PCSK2: variants seen among roughly 807,000 people sequenced by gnomAD.
The protein encoded by PCSK2 is proprotein convertase subtilisin/kexin type 2, also known as neuroendocrine convertase 2.
In PCSK2, 14 loss-of-function variants were observed where a neutral mutation model predicts 69.7. The observed-to-expected ratio is 0.20, with a 90% CI of 0.13 to 0.31. The LOEUF is 0.31. Among genes scored for constraint, PCSK2 ranks in the 10% least tolerant of loss-of-function variants. The probability of loss-of-function intolerance (pLI) is 1.00; values close to 1 mark genes in which losing one functional copy is unlikely to be tolerated. For synonymous variants in PCSK2, 307 were observed against 320.7 expected (o/e 0.96, Z 0.46); for missense variants, 544 against 842.5 (o/e 0.65, Z 4.39).
intron 9 of PCSK2, among the ~76,000 whole-genome samples, chr20:17,454,694 C>T (rs1007937684): frequency 6.6e-6 from 1 of 152,176 alleles, no homozygotes; most frequent in African/African-American, 2.4e-5. Flanking sequence ...TTTCTTACAC[C>T]TCCAAACCAG....
At chr20:17,286,298 T>C (rs1331583233) in intron 2 of PCSK2, among the ~76,000 whole-genome samples, 1 of 152,202 alleles carries the variant, frequency 6.6e-6, no homozygotes, top group Non-Finnish European at 1.5e-5. Flanking sequence ...AACATAATAG[T>C]GTATAACAAA....
chr20:17,339,011 G>A lies in PCSK2; in HGVS notation c.283-19316G>A, dbSNP rs192157955. Among the ~76,000 whole-genome samples, 165 of 152,228 alleles carry A rather than the reference G, an allele frequency of 1.1e-3. 1 individual carries two copies. Among genetic ancestry groups the A allele is most frequent in the East Asian group, 2.7e-3 (14 of 5,186 alleles). ...TTTTGTGGCCTCATCAAGGAATCCC[G>A]TCTAGTTTTCATTAAGAACAGCACA... On this transcript the variant is annotated intron_variant, in intron 2 of 11. Coordinates refer to ENST00000262545, the MANE Select transcript of PCSK2 (RefSeq NM_002594.5).
At position 17,234,480 on chromosome 20, in the gene PCSK2, A is replaced by G. The variant is rs145134424; in HGVS notation, c.177+6998A>G. ...TCCATTTCTCTATAGGCAGCCATTC[A>G]GCTAGGAAATAGAATTAAGTGACAA... On this transcript the variant is annotated intron_variant, in intron 1 of 11. Coordinates refer to ENST00000262545, the MANE Select transcript of PCSK2 (RefSeq NM_002594.5). 3.9e-3 allele frequency among the ~76,000 whole-genome samples: 596 copies of G among 152,308 alleles called. 3 individuals are homozygous for G. Among genetic ancestry groups the G allele is most frequent in the African/African-American group, 0.014 (565 of 41,586 alleles).
intron 2 of PCSK2, among the ~76,000 whole-genome samples, chr20:17,277,682 C>T (rs979632723): frequency 6.7e-6 from 1 of 148,642 alleles, no homozygotes; most frequent in Non-Finnish European, 1.5e-5. Flanking sequence ...GTCTAAAACA[C>T]CAAAAGCAAT....
intron 4 of PCSK2, among the ~76,000 whole-genome samples, chr20:17,367,167 G>A (rs942986493): frequency 6.6e-6 from 1 of 151,850 alleles, no homozygotes; most frequent in African/African-American, 2.4e-5. Context: ...CACCCAATGA[G>A]TTCACAAAAT....
intron 1 of PCSK2, among the ~76,000 whole-genome samples, chr20:17,258,339 T>C (rs552259201): frequency 7.9e-5 from 12 of 152,354 alleles, no homozygotes; most frequent in South Asian, 6.2e-4. Flanking sequence ...CTCTTGTCAA[T>C]TTCCTGTGTT....
intron 5 of PCSK2, among the ~76,000 whole-genome samples, chr20:17,399,855 T>C (rs1035854523): frequency 2.0e-5 from 3 of 152,210 alleles, no homozygotes; most frequent in Non-Finnish European, 1.5e-5. Flanking sequence ...GTCAGTGTTA[T>C]TTGTCTTATA....
At chr20:17,303,456 TAAA>T (rs1989176877) in intron 2 of PCSK2, among the ~76,000 whole-genome samples, 1 of 55,300 alleles carries the variant, frequency 1.8e-5, no homozygotes, top group African/African-American at 6.9e-5. Flanking sequence ...TATATTATAT[TAAA>T]TATAATATAT....
intron 5 of PCSK2, among the ~76,000 whole-genome samples, chr20:17,390,597 T>C (rs1055228746): frequency 6.6e-6 from 1 of 152,180 alleles, no homozygotes; most frequent in Non-Finnish European, 1.5e-5. Flanking sequence ...AGATGATAGA[T>C]GTCAGGGCAC....
At chr20:17,375,615 G>A (rs2030901871) in intron 5 of PCSK2, among the ~76,000 whole-genome samples, 1 of 152,184 alleles carries the variant, frequency 6.6e-6, no homozygotes, top group African/African-American at 2.4e-5. Flanking sequence ...TTTTCTCCGA[G>A]CCAGGGAAAT....
Position 17,482,290 on chromosome 20 carries a change from C to T in PCSK2, c.*220C>T. 4.3e-6 allele frequency: 1 copy of T among 235,160 alleles called. No individual in the cohort carries two copies. The highest frequency in any genetic ancestry group is 8.0e-6 in the Non-Finnish European group (1 of 124,692). The allele number at this position is 235,160 out of a possible 1,614,324, so 14.6% of individuals were successfully genotyped here. ...TAGCGTTCCCAACAACATCCATGTC[C>T]TATGTGTGACTCTAAATTCTTTATT... On this transcript the variant is annotated 3_prime_UTR_variant, in exon 12 of 12. Transcript: ENST00000262545.
intron 1 of PCSK2, among the ~76,000 whole-genome samples, chr20:17,250,414 C>A (rs941715753): frequency 1.3e-5 from 2 of 152,138 alleles, no homozygotes; most frequent in African/African-American, 2.4e-5. Context: ...ATGTGCCCTT[C>A]TTAGTGCATC....
At chr20:17,351,227 G>T (rs570304784) in intron 2 of PCSK2, among the ~76,000 whole-genome samples, 3 of 152,058 alleles carry the variant, frequency 2.0e-5, no homozygotes, top group South Asian at 4.2e-4. Context: ...TCAAATTAAG[G>T]TTCAAAAGTT....
chr20:17,340,917 T>C (rs1189238562), intron 2 of PCSK2, among the ~76,000 whole-genome samples: 1 of 152,210 alleles, frequency 6.6e-6, no homozygotes, highest in African/African-American at 2.4e-5. Context: ...TCCTGAGAGA[T>C]AGCACTGGAA....
intron 5 of PCSK2, among the ~76,000 whole-genome samples, chr20:17,371,838 G>T (rs2030773688): frequency 6.6e-6 from 1 of 152,104 alleles, no homozygotes; most frequent in African/African-American, 2.4e-5. Flanking sequence ...CAATTAGGTT[G>T]TTTCCAATCA....
At chr20:17,298,059 T>C (rs945631724) in intron 2 of PCSK2, among the ~76,000 whole-genome samples, 2 of 152,244 alleles carry the variant, frequency 1.3e-5, no homozygotes, top group African/African-American at 4.8e-5. Context: ...TCTTACGCTT[T>C]GAAAACTTAA....
At chr20:17,245,452 C>T (rs1325010746) in intron 1 of PCSK2, among the ~76,000 whole-genome samples, 2 of 152,148 alleles carry the variant, frequency 1.3e-5, no homozygotes, top group African/African-American at 4.8e-5. Context: ...ATGTAATTTT[C>T]TAGCTTAGAC....
chr20:17,415,294 T>G (rs1203216296), intron 6 of PCSK2, among the ~76,000 whole-genome samples: 1 of 152,186 alleles, frequency 6.6e-6, no homozygotes, highest in Non-Finnish European at 1.5e-5. Flanking sequence ...CCCCATCGTC[T>G]CAGCCCAAAA....
In PCSK2 at chr20:17,384,425, C is replaced by T. The variant is rs113371290; in HGVS notation, c.543+15148C>T. 8.5e-3 allele frequency among the ~76,000 whole-genome samples: 907 copies of T among 106,552 alleles called. 12 individuals carry two copies. The highest frequency in any genetic ancestry group is 0.03 in the African/African-American group (780 of 26,038). The allele number at this position is 106,552 out of a possible 152,430, so 69.9% of individuals were successfully genotyped here. On this transcript the variant is annotated intron_variant, in intron 5 of 11. Transcript: ENST00000262545. ...CAACACAGCGAAGCTCCATATCTAC[C>T]AAAAAAAAAAAAAAAAAAAATACAA...
Sources: allele counts gnomAD v4.1 joint callset (sites outside exome capture counted in the v4.1 genomes callset), GRCh38; gene constraint gnomAD v4.1.1; transcripts MANE v1.5; gene names NCBI Gene and HGNC (gene_info 2026-07-23, HGNC 2026-07-21).